MDFIC: variants seen among roughly 807,000 people sequenced by gnomAD.
MDFIC encodes the protein myoD family inhibitor domain-containing protein.
In MDFIC, 17 loss-of-function variants were observed where a neutral mutation model predicts 23.2. The observed-to-expected ratio is 0.73, with a 90% CI of 0.50 to 1.10. MDFIC has a LOEUF of 1.10. Among genes scored for constraint, MDFIC ranks in the 50% least tolerant of loss-of-function variants. The probability of loss-of-function intolerance (pLI) is 0.00; values close to 1 mark genes in which losing one functional copy is unlikely to be tolerated. For missense variants in MDFIC, 356 were observed against 316.6 expected (o/e 1.12, Z -0.95); for synonymous variants, 120 against 115.2 (o/e 1.04, Z -0.27).
Position 114,968,914 on chromosome 7 carries a change from C to T in MDFIC, c.218-10592C>T, listed in dbSNP as rs993469432. The stretch of plus-strand genomic sequence containing the variant: ...AGTTAGCAATTTGTATGCTCGTCTA[C>T]GTAATTCCATATCTCATAACTGGAA... On this transcript the variant is annotated intron_variant, in intron 3 of 4. Coordinates refer to ENST00000393486, the MANE Select transcript of MDFIC (RefSeq NM_001166345.3). Among the ~76,000 whole-genome samples the T allele has an allele frequency of 1.2e-4, 19 of 152,106 alleles. 1 individual carries two copies. Among genetic ancestry groups the T allele is most frequent in the Admixed American group, 1.2e-3 (18 of 15,262 alleles).
chr7:114,991,761 T>C (rs1393821063), intron 4 of MDFIC, among the ~76,000 whole-genome samples: 1 of 152,228 alleles, frequency 6.6e-6, no homozygotes, highest in Non-Finnish European at 1.5e-5. Flanking sequence ...AGCCTTGTAG[T>C]ATAGTTTGAA....
chr7:114,942,519 T>C lies in MDFIC; in HGVS notation c.217+122T>C, dbSNP rs1792564328. Reference sequence around the variant, plus strand: ...TAAATCAACAGCGTTTATCTAAAAGTGGTTTCATTTGTATTTTAAATTACA... The same window carrying C: ...TAAATCAACAGCGTTTATCTAAAAGCGGTTTCATTTGTATTTTAAATTACA... On this transcript the variant is annotated intron_variant, in intron 3 of 4. Coordinates refer to ENST00000393486, the MANE Select transcript of MDFIC (RefSeq NM_001166345.3). 1.4e-5 allele frequency: 10 copies of C among 702,696 alleles called. No individual in the cohort carries two copies. The South Asian group carries it at 3.3e-4, about 23-fold the overall frequency. The allele number at this position is 702,696 out of a possible 1,614,324, so 43.5% of individuals were successfully genotyped here.
intron 3 of MDFIC, among the ~76,000 whole-genome samples, chr7:114,950,391 G>A (rs188129373): frequency 1.7e-3 from 265 of 152,252 alleles, no homozygotes; most frequent in Admixed American, 3.8e-3. Flanking sequence ...AAATGACGGT[G>A]GAGCAAATGA....
At chr7:114,977,196 AATG>A (rs1793333458) in intron 3 of MDFIC, among the ~76,000 whole-genome samples, 1 of 152,310 alleles carries the variant, frequency 6.6e-6, no homozygotes, top group East Asian at 1.9e-4. Flanking sequence ...TAATGAAGAT[AATG>A]ATGATTTTAA....
intron 4 of MDFIC, among the ~76,000 whole-genome samples, chr7:114,997,721 C>T (rs1387907599): frequency 6.8e-6 from 1 of 146,902 alleles, no homozygotes; most frequent in Non-Finnish European, 1.5e-5. Flanking sequence ...GCACTCCAGG[C>T]TGGGCAACAG....
chr7:114,957,304 C>T (rs1207576517), intron 3 of MDFIC, among the ~76,000 whole-genome samples: 2 of 152,084 alleles, frequency 1.3e-5, no homozygotes, highest in Non-Finnish European at 2.9e-5. Flanking sequence ...CTGCTTCTTT[C>T]ATCTTCCTTT....
chr7:114,968,883 A>G (rs1793152341), intron 3 of MDFIC, among the ~76,000 whole-genome samples: 2 of 152,156 alleles, frequency 1.3e-5, no homozygotes, highest in Admixed American at 6.6e-5. Context: ...AATTTTGTAA[A>G]TGTTCAGTTA....
chr7:114,960,292 G>A (rs538662501), intron 3 of MDFIC, among the ~76,000 whole-genome samples: 1 of 152,264 alleles, frequency 6.6e-6, no homozygotes, highest in African/African-American at 2.4e-5. Flanking sequence ...AAGAAGTACA[G>A]GGCCATTGTG....
intron 3 of MDFIC, among the ~76,000 whole-genome samples, chr7:114,963,734 C>A (rs568666805): frequency 2.0e-5 from 3 of 152,224 alleles, no homozygotes. Flanking sequence ...GCACGTGCCA[C>A]CATGCCTGGA....
At chr7:114,929,066 G>T (rs1350819998) in intron 2 of MDFIC, among the ~76,000 whole-genome samples, 1 of 11,478 alleles carries the variant, frequency 8.7e-5, no homozygotes, top group Non-Finnish European at 2.6e-4. Context: ...TATAGATATA[G>T]ATCTATAGAT....
chr7:114,969,237 C>G (rs190244145), intron 3 of MDFIC, among the ~76,000 whole-genome samples: 3 of 152,308 alleles, frequency 2.0e-5, no homozygotes, highest in Non-Finnish European at 4.4e-5. Flanking sequence ...ATTCCCTAGA[C>G]TCGTGAAGGT....
At chr7:114,956,078 A>G (rs1329823503) in intron 3 of MDFIC, among the ~76,000 whole-genome samples, 7 of 152,090 alleles carry the variant, frequency 4.6e-5, no homozygotes, top group Non-Finnish European at 8.8e-5. Flanking sequence ...TTTGTGATGT[A>G]TGTGGTCCTC....
chr7:114,977,293 A>G (rs887890348), intron 3 of MDFIC, among the ~76,000 whole-genome samples: 2 of 152,150 alleles, frequency 1.3e-5, no homozygotes, highest in Non-Finnish European at 2.9e-5. Context: ...AATAGAAAAT[A>G]AATTTATTAG....
Position 114,987,043 on chromosome 7 carries a change from A to G in MDFIC, c.493+7262A>G, listed in dbSNP as rs115757832. Among the ~76,000 whole-genome samples the G allele has an allele frequency of 2.8e-3, 422 of 152,196 alleles. 3 individuals are homozygous for G. Among genetic ancestry groups the G allele is most frequent in the African/African-American group, 9.2e-3 (382 of 41,536 alleles). Reference sequence around the variant, plus strand: ...CAGGAATGGCTGAAATTCTTAAGGGAGAGAATGTGAAGGAATAAAAGGAAG... The same window carrying G: ...CAGGAATGGCTGAAATTCTTAAGGGGGAGAATGTGAAGGAATAAAAGGAAG... On this transcript the variant is annotated intron_variant, in intron 4 of 4. Transcript: ENST00000393486.
chr7:114,952,506 T>C lies in MDFIC; in HGVS notation c.217+10109T>C, dbSNP rs192638053. Reference sequence around the variant, plus strand: ...AAAAGCTGGATTTTTTCCAGGTCCCTGAGTTCTGCAGCAAGATACACAAAA... The same window carrying C: ...AAAAGCTGGATTTTTTCCAGGTCCCCGAGTTCTGCAGCAAGATACACAAAA... On this transcript the variant is annotated intron_variant, in intron 3 of 4. Transcript: ENST00000393486. Among the ~76,000 whole-genome samples the C allele has an allele frequency of 4.0e-3, 603 of 152,246 alleles. 5 individuals carry two copies. The highest frequency in any genetic ancestry group is 6.7e-3 in the Non-Finnish European group (458 of 68,006).
At chr7:115,014,993 G>A (rs1791766132) in intron 4 of MDFIC, among the ~76,000 whole-genome samples, 3 of 152,138 alleles carry the variant, frequency 2.0e-5, no homozygotes, top group Admixed American at 6.5e-5. Context: ...GGAAAGCAAT[G>A]TTACTGTGTC....
At chr7:114,988,111 A>G (rs1313970598) in intron 4 of MDFIC, among the ~76,000 whole-genome samples, 3 of 152,234 alleles carry the variant, frequency 2.0e-5, no homozygotes, top group Non-Finnish European at 4.4e-5. Context: ...TCAGCTATGT[A>G]TGGACTTCAC....
rs57943986 is a variant in MDFIC at position 115,010,130 on chromosome 7, T to A, written c.494-5558T>A. On this transcript the variant is annotated intron_variant, in intron 4 of 4. Coordinates refer to ENST00000393486, the MANE Select transcript of MDFIC (RefSeq NM_001166345.3). ...CATGGATGCAGAGGACCCATTTTTTTAAAAAAAGTTTGTTTCTCTATTCAA... is the reference window on the plus strand; with the variant it reads ...CATGGATGCAGAGGACCCATTTTTTAAAAAAAAGTTTGTTTCTCTATTCAA... 0.012 allele frequency among the ~76,000 whole-genome samples: 1,872 copies of A among 152,246 alleles called. 223 individuals are homozygous for A. The East Asian group carries it at 0.28, about 23-fold the overall frequency.
chr7:115,018,826 A>G lies in MDFIC; in HGVS notation c.*2891A>G, dbSNP rs1000438529. The G allele has an allele frequency of 2.0e-5, 3 of 152,024 alleles. No homozygotes were observed. The highest frequency in any genetic ancestry group is 4.4e-5 in the Non-Finnish European group (3 of 67,874). 9.4% of individuals were successfully genotyped at this position (152,024 alleles called of 1,614,324 possible). On this transcript the variant is annotated 3_prime_UTR_variant, in exon 5 of 5. Coordinates refer to ENST00000393486, the MANE Select transcript of MDFIC (RefSeq NM_001166345.3). ...GTTTGAAAGAATTCAACCATAAGTT[A>G]AAATCTGAAGGTTATCTTTATCATG... is the stretch of plus-strand genomic sequence containing the variant.
Sources: allele counts gnomAD v4.1 joint callset (sites outside exome capture counted in the v4.1 genomes callset), GRCh38; gene constraint gnomAD v4.1.1; transcripts MANE v1.5; gene names NCBI Gene and HGNC (gene_info 2026-07-23, HGNC 2026-07-21).